MAPK6: variants seen among roughly 807,000 people sequenced by gnomAD.
MAPK6 encodes mitogen-activated protein kinase 6, also known as ERK-3.
A neutral mutation model predicts 59.3 loss-of-function variants in MAPK6; 19 were observed. The ratio of observed to expected loss-of-function variants is 0.32; its 90% confidence interval spans 0.22 to 0.47. The LOEUF is 0.47. MAPK6 is among the 20% of genes least tolerant of loss of function. The pLI is 1.00. For missense variants in MAPK6, 724 were observed against 847.9 expected, an observed-to-expected ratio of 0.85 and a Z score of 1.81; for synonymous variants, 316 against 290.3, an observed-to-expected ratio of 1.09 and a Z score of -0.90.
intron 3 of MAPK6, among the ~76,000 whole-genome samples, chr15:52,052,450 T>C (rs1386965528): frequency 6.6e-6 from 1 of 152,372 alleles, no homozygotes; most frequent in Admixed American, 6.5e-5. Context: ...TTAAATAATA[T>C]AGTTCCATAT....
chr15:52,015,930 C>CG (rs111987994), upstream of MAPK6, among the ~76,000 whole-genome samples: 146,901 of 149,052 alleles, frequency 0.99, 72,418 homozygotes, highest in Middle Eastern at 1. Context: ...TGGTGGCGCG[C>CG]CCTGTAATCC....
rs1358503112 is a variant in MAPK6 at position 52,065,911 on chromosome 15, C to T, written c.*911C>T. The T allele has an allele frequency of 6.6e-6, 1 of 152,334 alleles. No individual in the cohort carries two copies. Among genetic ancestry groups the T allele is most frequent in the Non-Finnish European group, 1.5e-5 (1 of 67,996 alleles). 9.4% of individuals were successfully genotyped at this position (152,334 alleles called of 1,614,324 possible). On this transcript the variant is annotated 3_prime_UTR_variant, in exon 6 of 6. Coordinates refer to ENST00000261845, the MANE Select transcript of MAPK6 (RefSeq NM_002748.4). ...ATTTTGGAGGTGCTTGATCTATCTA[C>T]AAAGAAAAATTAATTAGGAATTACT... is the stretch of plus-strand genomic sequence containing the variant.
intron 3 of MAPK6, among the ~76,000 whole-genome samples, chr15:52,054,729 T>TACACAC (rs35669914): frequency 0.029 from 4,231 of 147,100 alleles, 88 homozygotes; most frequent in African/African-American, 0.058. Context: ...CATATATCTA[T>TACACAC]ACACACACAC....
chr15:52,033,557 G>T (rs559837634), intron 1 of MAPK6: 1 of 152,354 alleles, frequency 6.6e-6, no homozygotes, highest in East Asian at 1.9e-4. Flanking sequence ...TTCAGCCACA[G>T]ATTGAAGGCT....
intron 3 of MAPK6, among the ~76,000 whole-genome samples, chr15:52,014,054 A>C (rs151287612): frequency 6.7e-6 from 1 of 149,010 alleles, no homozygotes; most frequent in South Asian, 2.1e-4. Flanking sequence ...GTCTTTGTAC[A>C]TTCTTTCATC....
chr15:52,041,024 G>A (rs2141896798), intron 1 of MAPK6, among the ~76,000 whole-genome samples: 1 of 152,254 alleles, frequency 6.6e-6, no homozygotes, highest in South Asian at 2.1e-4. Context: ...AGCAATGGTT[G>A]GTAGGAATGG....
At chr15:52,040,689 C>T (rs1255547971) in intron 1 of MAPK6, among the ~76,000 whole-genome samples, 2 of 152,176 alleles carry the variant, frequency 1.3e-5, no homozygotes, top group Admixed American at 1.3e-4. Context: ...CAGCATTACT[C>T]TTGGTGTGGG....
chr15:51,985,749 G>T (rs1007771776), intron 2 of MAPK6, among the ~76,000 whole-genome samples: 3 of 152,188 alleles, frequency 2.0e-5, no homozygotes, highest in Admixed American at 2.0e-4. Flanking sequence ...ACAAGGTCAG[G>T]ACATCAAGAC....
Position 52,048,620 on chromosome 15 carries a change from G to T in MAPK6, c.556-1373G>T, listed in dbSNP as rs530347703. Among the ~76,000 whole-genome samples, 12 of 152,134 alleles carry T rather than the reference G, an allele frequency of 7.9e-5. No individual in the cohort carries two copies. The South Asian group carries it at 2.5e-3, about 32-fold the overall frequency. ...CAAAACTCCATTTCCAAACAAAAAA[G>T]ATATTTTGTAGAAAATGAGTTCTAG... On this transcript the variant is annotated intron_variant, in intron 2 of 5. Coordinates refer to ENST00000261845, the MANE Select transcript of MAPK6 (RefSeq NM_002748.4).
chr15:52,041,210 T>A (rs1487307951), intron 1 of MAPK6, among the ~76,000 whole-genome samples: 1 of 152,148 alleles, frequency 6.6e-6, no homozygotes, highest in East Asian at 1.9e-4. Context: ...TGTTTTTTTG[T>A]TTTGAGATGG....
chr15:52,009,639 T>C (rs74013640), intron 3 of MAPK6, among the ~76,000 whole-genome samples: 8,438 of 152,290 alleles, frequency 0.055, 453 homozygotes, highest in African/African-American at 0.13. Context: ...ATAAAATTAT[T>C]CCAATAGATA....
intron 1 of MAPK6, among the ~76,000 whole-genome samples, chr15:52,032,298 C>A (rs1199173746): frequency 6.9e-6 from 1 of 145,132 alleles, no homozygotes; most frequent in Non-Finnish European, 1.5e-5. Context: ...TTAAGCGATT[C>A]TCCTGCCTCA....
chr15:52,014,576 G>T (rs1258734572), upstream of MAPK6, among the ~76,000 whole-genome samples: 2 of 151,826 alleles, frequency 1.3e-5, no homozygotes, highest in African/African-American at 4.8e-5. Flanking sequence ...GTGTGGTGGT[G>T]CATGCCTGTA....
chr15:52,062,099 A>G (rs991043620), intron 5 of MAPK6, among the ~76,000 whole-genome samples: 7 of 143,578 alleles, frequency 4.9e-5, no homozygotes, highest in African/African-American at 1.8e-4. Context: ...ATGGAATCTC[A>G]CTCTGTCACC....
At chr15:52,016,107 C>CACACACACACACAAAAA (rs1267339787), upstream of MAPK6, among the ~76,000 whole-genome samples, 1 of 136,212 alleles carries the variant, frequency 7.3e-6, no homozygotes, top group Non-Finnish European at 1.6e-5. Flanking sequence ...CACACACACA[C>CACACACACACACAAAAA]AAACTAAAAC....
intron 3 of MAPK6, among the ~76,000 whole-genome samples, chr15:52,055,076 G>A (rs561885490): frequency 5.3e-5 from 8 of 152,292 alleles, no homozygotes; most frequent in East Asian, 1.9e-4. Flanking sequence ...CACCGTGTCC[G>A]GCCAAGTGGA....
intron 2 of MAPK6, 143 bp from the exon 3 acceptor site, chr15:52,049,850 T>C (rs2031721025): frequency 1.5e-6 from 1 of 684,562 alleles, no homozygotes; most frequent in South Asian, 1.7e-5. Context: ...CGACCTTGGG[T>C]GATCCGCCCA....
chr15:52,036,002 T>A (rs903264007), intron 1 of MAPK6, among the ~76,000 whole-genome samples: 6 of 152,200 alleles, frequency 3.9e-5, no homozygotes, highest in African/African-American at 1.2e-4. Flanking sequence ...ACTTTGAGCA[T>A]TCTAGTCAGA....
At chr15:52,061,934 CTG>C (rs1333202448) in intron 5 of MAPK6, among the ~76,000 whole-genome samples, 4 of 151,878 alleles carry the variant, frequency 2.6e-5, no homozygotes, top group East Asian at 1.9e-4. Context: ...AGTCCTTTAA[CTG>C]TGATTTTATG....
Sources: gnomAD v4.1 joint callset for allele counts (sites outside exome capture counted in the v4.1 genomes callset) on GRCh38, gnomAD v4.1.1 for gene constraint, MANE v1.5 for transcripts, NCBI Gene and HGNC (gene_info 2026-07-23, HGNC 2026-07-21) for gene names.